ABCB1: variants seen among roughly 807,000 people sequenced by gnomAD.
The protein encoded by ABCB1 is ATP binding cassette subfamily B member 1, also known as ATP-dependent translocase ABCB1.
In ABCB1, 69 loss-of-function variants were observed where a neutral mutation model predicts 142.0. The observed-to-expected ratio is 0.49, with a 90% CI of 0.40 to 0.59. The LOEUF (loss-of-function observed/expected upper bound fraction) is 0.59, where lower values mean the gene tolerates loss of function less well. Ranked by LOEUF, ABCB1 falls within the 20% of genes least tolerant of loss-of-function variation. The pLI, the probability that ABCB1 is intolerant of heterozygous loss-of-function variation, is 0.00. For synonymous variants in ABCB1, 532 were observed against 539.2 expected (o/e 0.99, Z 0.18); for missense variants, 1,326 against 1,554.7 (o/e 0.85, Z 2.47).
chr7:87,694,130 T>C, intron 1 of ABCB1: 2 of 648,178 alleles, frequency 3.1e-6, no homozygotes, highest in Non-Finnish European at 3.8e-6. Context: ...AGAGCACAAG[T>C]ATGCTTATGC....
chr7:87,578,430 T>C (rs1000099209), intron 4 of ABCB1, among the ~76,000 whole-genome samples: 56 of 152,312 alleles, frequency 3.7e-4, no homozygotes, highest in African/African-American at 1.3e-3. Flanking sequence ...ATGTTAGGAT[T>C]CTTTTTTCTA....
At chr7:87,539,091 C>T (rs1287141897) in intron 19 of ABCB1, among the ~76,000 whole-genome samples, 177 bp downstream of exon 19, 1 of 152,184 alleles carries the variant, frequency 6.6e-6, no homozygotes, top group Non-Finnish European at 1.5e-5. Flanking sequence ...ACCTGACAGA[C>T]AGTAGAGCCT....
intron 1 of ABCB1, among the ~76,000 whole-genome samples, chr7:87,669,409 G>A (rs1198965793): frequency 2.0e-5 from 3 of 152,044 alleles, no homozygotes; most frequent in African/African-American, 7.2e-5. Flanking sequence ...GCATACCATT[G>A]GGTCTTGCTT....
chr7:87,508,645 C>T (rs547635947), intron 26 of ABCB1, among the ~76,000 whole-genome samples: 2 of 152,244 alleles, frequency 1.3e-5, no homozygotes, highest in East Asian at 1.9e-4. Context: ...AAGTTTGGGG[C>T]CCATGAAATG....
At position 87,550,833 on chromosome 7, in the gene ABCB1, G is replaced by T; in HGVS notation, c.1005C>A (p.Phe335Leu). The change falls in exon 10 of 28, where the codon TTC becomes TTA. Residue 335 changes from phenylalanine (F) to leucine (L), a missense_variant. Coordinates refer to ENST00000622132, the MANE Select transcript of ABCB1 (RefSeq NM_001348946.2). ...EYSIGQVLTV[F>L]FSVLIGAFSV... ...TAAAAGCCCCAATTAATACAGAAAA[G>T]AATACCTGAGGAATGTGAAGAAAAA... The T allele has an allele frequency of 6.3e-7, 1 of 1,598,232 alleles. No homozygotes were observed. Among genetic ancestry groups the T allele is most frequent in the African/African-American group, 1.3e-5 (1 of 74,720 alleles).
chr7:87,664,180 G>T (rs1353388115), intron 1 of ABCB1, among the ~76,000 whole-genome samples: 1 of 151,972 alleles, frequency 6.6e-6, no homozygotes, highest in Non-Finnish European at 1.5e-5. Context: ...ATACAGGGTA[G>T]CCAGGCATGG....
intron 3 of ABCB1, among the ~76,000 whole-genome samples, chr7:87,587,414 T>C (rs1004429261): frequency 7.9e-5 from 12 of 152,188 alleles, no homozygotes; most frequent in Non-Finnish European, 1.6e-4. Context: ...GATATAACCC[T>C]GCCTTCAGAG....
At chr7:87,649,629 A>G (rs28381755) in intron 1 of ABCB1, among the ~76,000 whole-genome samples, 1,929 of 152,292 alleles carry the variant, frequency 0.013, 40 homozygotes, top group African/African-American at 0.044. Flanking sequence ...ATAAGGAAAA[A>G]TATAGTACAC....
At chr7:87,539,426 A>G (rs1310264229) in intron 18 of ABCB1, 81 bp from the exon 19 acceptor site, 2 of 1,398,324 alleles carry the variant, frequency 1.4e-6, no homozygotes, top group Admixed American at 1.8e-5. Flanking sequence ...TTGCTAAAGC[A>G]GGAGATCAGA....
chr7:87,659,175 A>G (rs1229587763), intron 1 of ABCB1: 2 of 417,168 alleles, frequency 4.8e-6, no homozygotes, highest in Non-Finnish European at 9.5e-6. Context: ...ACAAACAACA[A>G]CAACAAAACT....
At chr7:87,668,357 T>A (rs541889475) in intron 1 of ABCB1, among the ~76,000 whole-genome samples, 2 of 152,086 alleles carry the variant, frequency 1.3e-5, no homozygotes, top group South Asian at 4.1e-4. Context: ...TCTCATTGTG[T>A]TTATTTGGAG....
chr7:87,635,380 G>T (rs980826627), intron 1 of ABCB1, among the ~76,000 whole-genome samples: 1 of 152,108 alleles, frequency 6.6e-6, no homozygotes, highest in African/African-American at 2.4e-5. Flanking sequence ...CTTCTTTTTT[G>T]TGAAGACTTC....
At chr7:87,575,528 G>GT (rs904477487) in intron 4 of ABCB1, among the ~76,000 whole-genome samples, 50 of 149,710 alleles carry the variant, frequency 3.3e-4, no homozygotes, top group South Asian at 4.3e-4. Context: ...AGGAACTTCC[G>GT]TTTTTTTTTC....
intron 25 of ABCB1, among the ~76,000 whole-genome samples, chr7:87,514,845 C>T (rs1815160460): frequency 1.3e-5 from 2 of 152,224 alleles, no homozygotes; most frequent in Non-Finnish European, 2.9e-5. Context: ...TCTCTCTATA[C>T]CATCTGTCAT....
Position 87,626,125 on chromosome 7 carries a change from T to A in ABCB1, c.-330-25047A>T, listed in dbSNP as rs557027285. Among the ~76,000 whole-genome samples, 77 of 120,246 alleles carry A rather than the reference T, an allele frequency of 6.4e-4. 1 individual carries two copies. In the South Asian group the frequency reaches 6.4e-3, roughly 10 times the overall value. The allele number at this position is 120,246 out of a possible 152,430, so 78.9% of individuals were successfully genotyped here. A position where few individuals can be genotyped will look rare whatever the true frequency, so the allele number is the denominator to read the frequency against. The stretch of plus-strand genomic sequence containing the variant: ...TGTCATATATATGTGTCATATATAT[T>A]GTCATATATATGTGTCATATATATT... On this transcript the variant is annotated intron_variant, in intron 1 of 28. Coordinates refer to the ABCB1 transcript ENST00000265724.
intron 1 of ABCB1, among the ~76,000 whole-genome samples, chr7:87,697,240 CA>C (rs1449745880): frequency 1.3e-5 from 2 of 152,174 alleles, no homozygotes. Flanking sequence ...TTGGCTAATA[CA>C]ATGTTGTATT....
intron 1 of ABCB1, among the ~76,000 whole-genome samples, chr7:87,673,100 G>T (rs1030373914): frequency 6.6e-6 from 1 of 152,058 alleles, no homozygotes; most frequent in Non-Finnish European, 1.5e-5. Flanking sequence ...TGCCTGATCG[G>T]GTTCCCTTTG....
Position 87,570,153 on chromosome 7 carries a change from A to T in ABCB1, c.338+19T>A, listed in dbSNP as rs377607304. Reference sequence around the variant, plus strand: ...GAATATAGAAAAACTTAACAATAGTAAGGAGAATGTCTAATTACCTGGTCA... The same window carrying T: ...GAATATAGAAAAACTTAACAATAGTTAGGAGAATGTCTAATTACCTGGTCA... On this transcript the variant is annotated intron_variant, in intron 5 of 27. Coordinates refer to ENST00000622132, the MANE Select transcript of ABCB1 (RefSeq NM_001348946.2). 6.2e-7 allele frequency: 1 copy of T among 1,606,572 alleles called. No homozygotes were observed. The highest frequency in any genetic ancestry group is 8.5e-7 in the Non-Finnish European group (1 of 1,173,886).
rs756064932 is a variant in ABCB1, at chr7:87,644,766, T to G, written c.-330-43688A>C. ...CTTATTCTCTCTGTGTATATATGGATATATATATATTAATGCAGAACATTA... is the reference window on the plus strand; with the variant it reads ...CTTATTCTCTCTGTGTATATATGGAGATATATATATTAATGCAGAACATTA... On this transcript the variant is annotated intron_variant, in intron 1 of 28. Coordinates refer to the ABCB1 transcript ENST00000265724. Among the ~76,000 whole-genome samples the G allele has an allele frequency of 2.2e-4, 34 of 151,944 alleles. 1 individual carries two copies. The highest frequency in any genetic ancestry group is 3.9e-4 in the Admixed American group (6 of 15,254).
Sources: allele counts gnomAD v4.1 joint callset (sites outside exome capture counted in the v4.1 genomes callset), GRCh38; gene constraint gnomAD v4.1.1; transcripts MANE v1.5; gene names NCBI Gene and HGNC (gene_info 2026-07-23, HGNC 2026-07-21).